NEK9: variants seen among roughly 807,000 people sequenced by gnomAD.
NEK9 encodes the protein NIMA related kinase 9, also known as serine/threonine-protein kinase Nek9.
Under a neutral mutation model 123.4 loss-of-function variants are expected in NEK9, and 75 were observed. The observed-to-expected ratio is 0.61, with a 90% CI of 0.50 to 0.74. The LOEUF is 0.74. Ranked by LOEUF, NEK9 falls within the 30% of genes least tolerant of loss-of-function variation. NEK9 has a pLI of 0.00. For missense variants in NEK9, 952 were observed against 1,214.4 expected (o/e 0.78, Z 3.21); for synonymous variants, 438 against 458.7 (o/e 0.95, Z 0.58).
rs1480063082 is a variant in NEK9 at position 75,109,838 on chromosome 14, T to C, written c.1029A>G (p.Thr343=). Residue 343 remains threonine (T), a synonymous_variant, in exon 10 of 22, where the codon ACA becomes ACG. Coordinates refer to ENST00000238616, the MANE Select transcript of NEK9 (RefSeq NM_033116.6). ...TVTEAPIAVV[T]SRTSEVYVWG... ...AAACATAGACTTCACTGGTTCGTGATGTTACTACAGCAATGGGTGCTTCAG... is the reference window on the plus strand; with the variant it reads ...AAACATAGACTTCACTGGTTCGTGACGTTACTACAGCAATGGGTGCTTCAG... The C allele has an allele frequency of 1.2e-6, 2 of 1,613,912 alleles. No individual in the cohort carries two copies. The highest frequency in any genetic ancestry group is 1.7e-6 in the Non-Finnish European group (2 of 1,179,930).
At chr14:75,110,453 A>G in intron 8 of NEK9, 82 bp from the exon 9 acceptor site, 1 of 1,090,704 alleles carries the variant, frequency 9.2e-7, no homozygotes, top group Non-Finnish European at 1.4e-6. Flanking sequence ...CATTTCACAG[A>G]TTTAATCCTC....
At position 75,126,723 on chromosome 14, in the gene NEK9, T is replaced by G; in HGVS notation, c.199A>C (p.Thr67Pro). 1 of 1,478,656 alleles carries G rather than the reference T, an allele frequency of 6.8e-7. No individual in the cohort carries two copies. Among genetic ancestry groups the G allele is most frequent in the South Asian group, 1.3e-5 (1 of 75,950 alleles). The allele number at this position is 1,478,656 out of a possible 1,614,324, so 91.6% of individuals were successfully genotyped here. ...GCTACCTCGGTGCGGCGGTACAGCG[T>G]GGCTTCCCCGAAGGCGCCGCGGCCC... ...VLGRGAFGEA[T>P]LYRRTEDDSL... The change falls in exon 1 of 22, where the codon ACG (threonine) becomes CCG (proline). Residue 67 changes from threonine to proline, a missense_variant. Coordinates refer to ENST00000238616, the MANE Select transcript of NEK9 (RefSeq NM_033116.6).
chr14:75,103,055 A>AG, intron 14 of NEK9, among the ~76,000 whole-genome samples: 1 of 142,618 alleles, frequency 7.0e-6, no homozygotes, highest in Middle Eastern at 3.5e-3. Flanking sequence ...GGGTGGGGGA[A>AG]GGGGGGAGGG....
At chr14:75,085,478 C>T (rs1299998627) in intron 21 of NEK9, among the ~76,000 whole-genome samples, 1 of 152,162 alleles carries the variant, frequency 6.6e-6, no homozygotes, top group African/African-American at 2.4e-5. Context: ...CTTCTACTTC[C>T]CTCTATATAA....
At chr14:75,087,268 C>T (rs939236046) in intron 20 of NEK9, 38 bp from the exon 21 acceptor site, 1 of 1,533,948 alleles carries the variant, frequency 6.5e-7, no homozygotes, top group Non-Finnish European at 8.9e-7. Flanking sequence ...AGGTTCTGCC[C>T]AGGTGTCATA....
In NEK9 at chr14:75,120,971, G is replaced by A. The variant is rs1443741837; in HGVS notation, c.453+148C>T. The A allele has an allele frequency of 9.6e-6, 7 of 730,666 alleles. No homozygotes were observed. In the Admixed American group the frequency reaches 1.0e-4, roughly 10 times the overall value. 45.3% of individuals were successfully genotyped at this position (730,666 alleles called of 1,614,324 possible). On this transcript the variant is annotated intron_variant, in intron 3 of 21. Coordinates refer to ENST00000238616, the MANE Select transcript of NEK9 (RefSeq NM_033116.6). ...GCTATAGACAGCTTCCTTGTTAGAG[G>A]TTTCCTTTCTCATGAATATCAGAGC...
Position 75,118,886 on chromosome 14 carries a change from G to A in NEK9, c.574C>T (p.Leu192Phe). 6.2e-7 allele frequency: 1 copy of A among 1,610,150 alleles called. No homozygotes were observed. The highest frequency in any genetic ancestry group is 8.5e-7 in the Non-Finnish European group (1 of 1,176,724). Residue 192 changes from leucine (L) to phenylalanine (F), a missense_variant, in exon 5 of 22, where the codon CTT becomes TTT. By Grantham distance (22) the Leu-to-Phe change is conservative. This residue lies in a region of NEK9 where 106 missense variants were observed against 153.0 expected (regional missense o/e 0.69). Transcript: ENST00000238616. ...IFLTKANLIK[L>F]GDYGLAKKLN... ...TTCTTTGCTAGGCCATAATCTCCAAGTTTTATCAGGTTTGCCTTGGTCAGA... is the reference window on the plus strand; with the variant it reads ...TTCTTTGCTAGGCCATAATCTCCAAATTTTATCAGGTTTGCCTTGGTCAGA...
chr14:75,114,457 C>A lies in NEK9; in HGVS notation c.763-144G>T, dbSNP rs542971533. ...TCTTGTTATAACTACTAGTATGCAT[C>A]AAAAAAAAATGGTTAGGGATGCACT... On this transcript the variant is annotated intron_variant, in intron 6 of 21. Transcript: ENST00000238616. The A allele has an allele frequency of 6.0e-4, 352 of 582,670 alleles. No homozygotes were observed. The highest frequency in any genetic ancestry group is 5.4e-3 in the African/African-American group (280 of 52,048). The allele number at this position is 582,670 out of a possible 1,614,324, so 36.1% of individuals were successfully genotyped here.
chr14:75,099,830 GA>G (rs1306003570), intron 16 of NEK9, among the ~76,000 whole-genome samples: 1 of 150,876 alleles, frequency 6.6e-6, no homozygotes, highest in East Asian at 1.9e-4. Context: ...CAATACTGCG[GA>G]AAGAAATAGC....
intron 12 of NEK9, chr14:75,106,236 G>A: frequency 1.7e-6 from 1 of 592,384 alleles, no homozygotes; most frequent in Non-Finnish European, 3.0e-6. Flanking sequence ...GTGTGTGCCT[G>A]TAATCCCAGC....
chr14:75,088,586 G>T lies in NEK9; in HGVS notation c.2498C>A (p.Ala833Glu), dbSNP rs778292432. ...PMPDSPSPLSAAFSESEKDTL... is the reference protein window; with the variant it reads ...PMPDSPSPLSEAFSESEKDTL... Reference sequence around the variant, plus strand: ...ATCTTTCTCAGATTCTGAAAACGCTGCACTGAGAGGAGATGGGCTGTCAGG... The same window carrying T: ...ATCTTTCTCAGATTCTGAAAACGCTTCACTGAGAGGAGATGGGCTGTCAGG... The change falls in exon 20 of 22, where the codon GCA becomes GAA. Residue 833 changes from alanine (A) to glutamate (E), a missense_variant. Ala to Glu is a moderately radical substitution (Grantham distance 107). Coordinates refer to ENST00000238616, the MANE Select transcript of NEK9 (RefSeq NM_033116.6). 1 of 1,614,026 alleles carries T rather than the reference G, an allele frequency of 6.2e-7. No homozygotes were observed. The highest frequency in any genetic ancestry group is 8.5e-7 in the Non-Finnish European group (1 of 1,179,962).
chr14:75,093,338 C>A (rs918499249), intron 18 of NEK9, among the ~76,000 whole-genome samples: 2 of 152,224 alleles, frequency 1.3e-5, no homozygotes, highest in Non-Finnish European at 2.9e-5. Context: ...GAATTCCTTC[C>A]TTCTCTGGCC....
At chr14:75,125,701 A>C (rs1321457057) in intron 1 of NEK9, among the ~76,000 whole-genome samples, 1 of 152,222 alleles carries the variant, frequency 6.6e-6, no homozygotes, top group Non-Finnish European at 1.5e-5. Flanking sequence ...CATCAGGATA[A>C]AAAAGAACAC....
In NEK9 at chr14:75,081,860, T is replaced by C. The variant is rs898620334; in HGVS notation, c.*2704A>G. The C allele has an allele frequency of 1.3e-5, 2 of 152,118 alleles. No homozygotes were observed. The highest frequency in any genetic ancestry group is 4.8e-5 in the African/African-American group (2 of 41,390). The allele number at this position is 152,118 out of a possible 1,614,324, so 9.4% of individuals were successfully genotyped here. ...ATCCTTCTTTTAGTGGCTCATTTTT[T>C]CCCTCCCTCTGCACTTTCGGCACTT... On this transcript the variant is annotated 3_prime_UTR_variant, in exon 22 of 22. Transcript: ENST00000238616. This position sits in a 1 kb window ranked among gnomAD's most constrained non-coding sequence, Gnocchi z 4.2.
intron 10 of NEK9, among the ~76,000 whole-genome samples, chr14:75,108,401 C>T (rs560726351): frequency 1.3e-5 from 2 of 151,978 alleles, no homozygotes; most frequent in East Asian, 1.9e-4. Flanking sequence ...TTTGAGATTA[C>T]AGGTGTAAGC....
intron 6 of NEK9, among the ~76,000 whole-genome samples, chr14:75,115,029 ATATG>A (rs1184747008): frequency 9.3e-5 from 14 of 150,600 alleles, no homozygotes; most frequent in African/African-American, 1.2e-4. Context: ...ATATGTGTAT[ATATG>A]TATATGTGCA....
intron 9 of NEK9, 112 bp from the exon 10 acceptor site, chr14:75,109,989 T>A (rs1340864180): frequency 9.2e-7 from 1 of 1,092,778 alleles, no homozygotes; most frequent in Non-Finnish European, 1.3e-6. Context: ...TGAGAAAGTA[T>A]GTTCTTTCTC....
chr14:75,106,214 C>T, intron 12 of NEK9: 1 of 594,480 alleles, frequency 1.7e-6, no homozygotes, highest in Non-Finnish European at 3.0e-6. Flanking sequence ...AAAAAATTAG[C>T]TGGGTGTGAT....
rs958377447 is a variant in NEK9 at position 75,082,757 on chromosome 14, A to C, written c.*1807T>G. ...GCCTGCTGAGATGATGAGCATGAGG[A>C]TACAGGGACATGACAGGTCAATCGG... On this transcript the variant is annotated 3_prime_UTR_variant, in exon 22 of 22. Transcript: ENST00000238616. 7.9e-6 allele frequency: 3 copies of C among 381,888 alleles called. No individual in the cohort carries two copies. The highest frequency in any genetic ancestry group is 2.1e-5 in the African/African-American group (1 of 48,308). 23.7% of individuals were successfully genotyped at this position (381,888 alleles called of 1,614,324 possible). A position where few individuals can be genotyped will look rare whatever the true frequency, so the allele number is the denominator to read the frequency against.
Sources: gnomAD v4.1 joint callset for allele counts (sites outside exome capture counted in the v4.1 genomes callset) on GRCh38, gnomAD v4.1.1 for gene constraint, gnomAD v4.1.1 regional missense constraint, Gnocchi (gnomAD v3.1) non-coding constraint, MANE v1.5 for transcripts, NCBI Gene and HGNC (gene_info 2026-07-23, HGNC 2026-07-21) for gene names.